The following HS6ST3 variants were observed in gnomAD, a reference collection of about 807,000 sequenced individuals.
HS6ST3 encodes heparan-sulfate 6-O-sulfotransferase 3.
In HS6ST3, 12 loss-of-function variants were observed where a neutral mutation model predicts 36.7. The ratio of observed to expected loss-of-function variants is 0.33; its 90% CI spans 0.21 to 0.53. The LOEUF is 0.53. Among genes scored for constraint, HS6ST3 ranks in the 20% least tolerant of loss-of-function variants. HS6ST3 has a pLI of 0.95. For synonymous variants in HS6ST3, 240 were observed against 257.5 expected, an observed-to-expected ratio of 0.93 and a Z score of 0.65; for missense variants, 584 against 640.9, an observed-to-expected ratio of 0.91 and a Z score of 0.96.
chr13:96,447,542 C>T (rs534445805), intron 1 of HS6ST3, among the ~76,000 whole-genome samples: 2 of 152,330 alleles, frequency 1.3e-5, no homozygotes, highest in South Asian at 2.1e-4. Flanking sequence ...ACTGGGTCCA[C>T]CCAAACATGG....
chr13:96,222,978 TATC>T (rs1156504430), intron 1 of HS6ST3, among the ~76,000 whole-genome samples: 1 of 151,902 alleles, frequency 6.6e-6, no homozygotes, highest in Non-Finnish European at 1.5e-5. Flanking sequence ...GGCATTGTTA[TATC>T]ATGGAACTGC....
chr13:96,739,248 T>A lies in HS6ST3; in HGVS notation c.708-93242T>A, dbSNP rs868769712. ...GTGTGTGTGTGTGTGTGTGTGTGTG[T>A]GTGTGTGTGTGTGTGTGTGTGTGTG... is the stretch of plus-strand genomic sequence containing the variant. On this transcript the variant is annotated intron_variant, in intron 1 of 1. Transcript: ENST00000376705. Among the ~76,000 whole-genome samples the A allele has an allele frequency of 2.6e-3, 391 of 150,898 alleles. 3 individuals are homozygous for A. The highest frequency in any genetic ancestry group is 8.9e-3 in the African/African-American group (368 of 41,124).
intron 1 of HS6ST3, among the ~76,000 whole-genome samples, chr13:96,410,889 A>G (rs1262877919): frequency 6.6e-6 from 1 of 152,220 alleles, no homozygotes; most frequent in Non-Finnish European, 1.5e-5. Context: ...ACACTTTAGA[A>G]GTGATAAAAT....
At position 96,315,620 on chromosome 13, in the gene HS6ST3, A is replaced by G. The variant is rs571511040; in HGVS notation, c.707+224051A>G. On this transcript the variant is annotated intron_variant, in intron 1 of 1. Transcript: ENST00000376705. The stretch of plus-strand genomic sequence containing the variant: ...TACAGAATGCAGTTTCCTCATTTGT[A>G]TGCATTGCTTTATTTTCTTTTTATT... 2.0e-5 allele frequency among the ~76,000 whole-genome samples: 3 copies of G among 152,230 alleles called. No homozygotes were observed. In the East Asian group the frequency reaches 5.8e-4, roughly 29 times the overall value.
At chr13:96,205,555 G>A (rs1029336653) in intron 1 of HS6ST3, among the ~76,000 whole-genome samples, 1 of 152,140 alleles carries the variant, frequency 6.6e-6, no homozygotes, top group African/African-American at 2.4e-5. Context: ...TATCCTTGAT[G>A]AGCATCGATA....
At chr13:96,408,930 A>G (rs372279031) in intron 1 of HS6ST3, among the ~76,000 whole-genome samples, 9 of 152,270 alleles carry the variant, frequency 5.9e-5, no homozygotes, top group Middle Eastern at 3.4e-3. Flanking sequence ...TCTCAAAAAA[A>G]AAGAAAAGAA....
chr13:96,134,202 ATTTC>A (rs2053990309), intron 1 of HS6ST3, among the ~76,000 whole-genome samples: 1 of 151,232 alleles, frequency 6.6e-6, no homozygotes, highest in Admixed American at 6.6e-5. Context: ...TTGTTCTTTT[ATTTC>A]TTTATCTTAT....
intron 1 of HS6ST3, among the ~76,000 whole-genome samples, chr13:96,354,928 C>A (rs11616238): frequency 6.6e-6 from 1 of 152,076 alleles, no homozygotes; most frequent in African/African-American, 2.4e-5. Flanking sequence ...CCCCAACTAC[C>A]TAAATTATAT....
chr13:96,667,919 C>T (rs765208798), intron 1 of HS6ST3, among the ~76,000 whole-genome samples: 2 of 152,110 alleles, frequency 1.3e-5, no homozygotes, highest in Non-Finnish European at 2.9e-5. Context: ...CACATTTTAG[C>T]ACTACAGTCT....
At chr13:96,585,951 G>A (rs1353306734) in intron 1 of HS6ST3, among the ~76,000 whole-genome samples, 1 of 152,106 alleles carries the variant, frequency 6.6e-6, no homozygotes, top group African/African-American at 2.4e-5. Context: ...TACCTACAAA[G>A]TAGTGGGATT....
At chr13:96,096,816 C>A (rs1341222885) in intron 1 of HS6ST3, among the ~76,000 whole-genome samples, 1 of 152,168 alleles carries the variant, frequency 6.6e-6, no homozygotes, top group African/African-American at 2.4e-5. Context: ...AGCTCTGTTT[C>A]AAAGACTAGA....
At chr13:96,381,378 C>CTATCTATG (rs908048300) in intron 1 of HS6ST3, among the ~76,000 whole-genome samples, 15 of 137,004 alleles carry the variant, frequency 1.1e-4, no homozygotes, top group Non-Finnish European at 1.2e-4. Context: ...ATTTATCCAT[C>CTATCTATG]TATCTATGTA....
Position 96,219,650 on chromosome 13 carries a change from TAGGCCTGAACTCACATAACCAC to T in HS6ST3, c.707+128086_707+128107del, listed in dbSNP as rs2054445283. ...TAAAAGTGTGGACGATGGAGCAACA[TAGGCCTGAACTCACATAACCAC>T]AGGCAGGATTCTCTTTCTTTTTTTT... On this transcript the variant is annotated intron_variant, in intron 1 of 1. Coordinates refer to ENST00000376705, the MANE Select transcript of HS6ST3 (RefSeq NM_153456.4). Among the ~76,000 whole-genome samples, 3 of 152,298 alleles carry T rather than the reference TAGGCCTGAACTCACATAACCAC, an allele frequency of 2.0e-5. No homozygotes were observed. In the South Asian group the frequency reaches 6.2e-4, roughly 32 times the overall value.
intron 1 of HS6ST3, among the ~76,000 whole-genome samples, chr13:96,242,777 G>T (rs548062103): frequency 6.6e-6 from 1 of 152,276 alleles, no homozygotes; most frequent in South Asian, 2.1e-4. Flanking sequence ...ATTCCTAAAA[G>T]ATTTAGAAAT....
intron 1 of HS6ST3, among the ~76,000 whole-genome samples, chr13:96,493,150 G>A (rs932370856): frequency 6.6e-6 from 1 of 152,084 alleles, no homozygotes; most frequent in Non-Finnish European, 1.5e-5. Flanking sequence ...TGTTCCTGAA[G>A]ACATACACCT....
chr13:96,804,147 C>CA (rs113872118), intron 1 of HS6ST3, among the ~76,000 whole-genome samples: 3,247 of 128,688 alleles, frequency 0.025, 51 homozygotes, highest in Non-Finnish European at 0.033. Flanking sequence ...CCTGTTTTGC[C>CA]AAAAAAAAAA....
intron 1 of HS6ST3, among the ~76,000 whole-genome samples, chr13:96,198,145 G>C (rs908724667): frequency 5.9e-5 from 9 of 152,222 alleles, no homozygotes; most frequent in Admixed American, 3.9e-4. Context: ...TGAAGCCACA[G>C]CCTGAGCTAC....
chr13:96,389,584 G>A (rs2055385729), intron 1 of HS6ST3, among the ~76,000 whole-genome samples: 4 of 152,110 alleles, frequency 2.6e-5, no homozygotes, highest in Non-Finnish European at 4.4e-5. Flanking sequence ...TATCTAGAAA[G>A]ATAAGTAGGG....
chr13:96,217,430 A>G (rs2054432561), intron 1 of HS6ST3, among the ~76,000 whole-genome samples: 1 of 152,110 alleles, frequency 6.6e-6, no homozygotes, highest in African/African-American at 2.4e-5. Context: ...TGGAAGCCCC[A>G]TTAGATAATA....
Sources: allele counts gnomAD v4.1 joint callset (sites outside exome capture counted in the v4.1 genomes callset), GRCh38; gene constraint gnomAD v4.1.1; transcripts MANE v1.5; gene names NCBI Gene and HGNC (gene_info 2026-07-23, HGNC 2026-07-21).